ZNF581: variants seen among roughly 807,000 people sequenced by gnomAD.
The protein encoded by ZNF581 is zinc finger protein 581.
A neutral mutation model predicts 1.2 loss-of-function variants in ZNF581; 1 was observed. The observed-to-expected ratio is 0.83, with a 90% CI of 0.30 to 3.95. The LOEUF is 3.95. Among genes scored for constraint, ZNF581 ranks in the 30% most tolerant of loss-of-function variants. The pLI is 0.18. For missense variants in ZNF581, 273 were observed against 274.6 expected, an observed-to-expected ratio of 0.99 and a Z score of 0.04; for synonymous variants, 105 against 109.2, an observed-to-expected ratio of 0.96 and a Z score of 0.24.
At chr19:55,637,650 C>G (rs957589847), upstream of ZNF581, among the ~76,000 whole-genome samples, 2 of 152,114 alleles carry the variant, frequency 1.3e-5, no homozygotes, top group African/African-American at 4.8e-5. Flanking sequence ...GGGGTGGCAG[C>G]GGCGATGGTG....
chr19:55,642,524 C>T (rs138742547), upstream of ZNF581: 2,618 of 1,440,376 alleles, frequency 1.8e-3, 5 homozygotes, highest in Non-Finnish European at 2.2e-3. Flanking sequence ...GCTGCTGCCG[C>T]CGCGGCCACC....
upstream of ZNF581, chr19:55,640,403 A>G: frequency 1.0e-6 from 1 of 985,472 alleles, no homozygotes; most frequent in African/African-American, 1.7e-5. Context: ...GCATCTGGCA[A>G]AGCCTGGCCT....
At chr19:55,636,752 C>T (rs1391378918), upstream of ZNF581, among the ~76,000 whole-genome samples, 2 of 152,066 alleles carry the variant, frequency 1.3e-5, no homozygotes, top group Non-Finnish European at 2.9e-5. Context: ...CTGGAGCTAC[C>T]ACGGTCACTA....
upstream of ZNF581, chr19:55,641,125 G>A: frequency 1.0e-6 from 1 of 985,168 alleles, no homozygotes; most frequent in Non-Finnish European, 1.2e-6. Flanking sequence ...GCCAGGGGAA[G>A]CCCGGGGCCG....
At chr19:55,637,690 CAG>C (rs773661333), upstream of ZNF581, among the ~76,000 whole-genome samples, 44 of 152,262 alleles carry the variant, frequency 2.9e-4, no homozygotes, top group Admixed American at 5.9e-4. Context: ...GGCTTGCTGA[CAG>C]GGGTCATGTG....
chr19:55,636,346 A>G (rs1280197339), upstream of ZNF581, among the ~76,000 whole-genome samples: 1 of 151,560 alleles, frequency 6.6e-6, no homozygotes, highest in Admixed American at 6.6e-5. Context: ...GGCTTTGGGG[A>G]GTGAGGGAGT....
upstream of ZNF581, chr19:55,640,162 G>A (rs928708109): frequency 2.9e-5 from 29 of 985,464 alleles, no homozygotes; most frequent in Middle Eastern, 5.2e-4. Context: ...GCCCTCCTGC[G>A]AGGCCGTGGC....
At chr19:55,639,513 T>C (rs537541180), upstream of ZNF581, among the ~76,000 whole-genome samples, 2 of 152,324 alleles carry the variant, frequency 1.3e-5, no homozygotes, top group African/African-American at 4.8e-5. Context: ...CAAATATAAC[T>C]GTGAGGCCTT....
intron 1 of ZNF581, among the ~76,000 whole-genome samples, chr19:55,635,949 C>G (rs1162963828): frequency 6.6e-6 from 1 of 152,166 alleles, no homozygotes; most frequent in East Asian, 1.9e-4. Flanking sequence ...GCGAGGAAAA[C>G]ACATAAGCCT....
At chr19:55,640,738 A>T, upstream of ZNF581, 1 of 985,436 alleles carries the variant, frequency 1.0e-6, no homozygotes, top group Non-Finnish European at 1.2e-6. Flanking sequence ...GCGACGGCCC[A>T]GTGGAAAGAG....
chr19:55,638,804 A>T (rs1982248433), upstream of ZNF581, among the ~76,000 whole-genome samples: 1 of 152,022 alleles, frequency 6.6e-6, no homozygotes, highest in Non-Finnish European at 1.5e-5. Context: ...GGTGGCTAAT[A>T]TGGTGAAACC....
chr19:55,640,437 A>T, upstream of ZNF581: 1 of 985,316 alleles, frequency 1.0e-6, no homozygotes. Context: ...GTGTCGCCAC[A>T]TGCCTTCTGG....
chr19:55,641,021 GCCAACCCCT>G (rs1391426457), upstream of ZNF581: 2 of 985,202 alleles, frequency 2.0e-6, no homozygotes, highest in Admixed American at 6.2e-5. Context: ...CAGGGACTCC[GCCAACCCCT>G]CGCACCCCCG....
upstream of ZNF581, chr19:55,642,218 G>T: frequency 1.7e-6 from 2 of 1,186,902 alleles, no homozygotes; most frequent in Non-Finnish European, 2.1e-6. Context: ...AAAGTCGGGG[G>T]ACTACGTCCT....
upstream of ZNF581, among the ~76,000 whole-genome samples, chr19:55,637,479 G>A (rs1187911995): frequency 6.6e-6 from 1 of 152,186 alleles, no homozygotes; most frequent in Non-Finnish European, 1.5e-5. Flanking sequence ...GGAGGCTGCA[G>A]TGAGCTGAGA....
At chr19:55,643,041 C>T, upstream of ZNF581, 2 of 1,349,632 alleles carry the variant, frequency 1.5e-6, no homozygotes, top group Non-Finnish European at 1.9e-6. Context: ...CGAGACCCGG[C>T]CTGTGCTGCC....
At chr19:55,642,526 G>GCGGCCACCC, upstream of ZNF581, 1 of 1,436,078 alleles carries the variant, frequency 7.0e-7, no homozygotes, top group Non-Finnish European at 9.1e-7. Context: ...TGCTGCCGCC[G>GCGGCCACCC]CGGCCACCCC....
At chr19:55,635,786 G>T in intron 1 of ZNF581, 1 of 915,246 alleles carries the variant, frequency 1.1e-6, no homozygotes, top group Non-Finnish European at 1.3e-6. Context: ...GGCTGAGGGG[G>T]TTATACTATA....
upstream of ZNF581, chr19:55,640,825 G>A: frequency 1.0e-6 from 1 of 985,510 alleles, no homozygotes; most frequent in Non-Finnish European, 1.2e-6. Flanking sequence ...CTTGTCAAGC[G>A]GCGGAATCGT....
Sources: allele counts gnomAD v4.1 joint callset (sites outside exome capture counted in the v4.1 genomes callset), GRCh38; gene constraint gnomAD v4.1.1; transcripts MANE v1.5; gene names NCBI Gene and HGNC (gene_info 2026-07-23, HGNC 2026-07-21).